The following SFPQ variants were observed in gnomAD, a reference collection of about 807,000 sequenced individuals.
The protein encoded by SFPQ is splicing factor proline and glutamine rich, also known as splicing factor, proline- and glutamine-rich.
Under a neutral mutation model 72.9 loss-of-function variants are expected in SFPQ, and 11 were observed. The ratio of observed to expected loss-of-function variants is 0.15; its 90% CI spans 0.09 to 0.25. The LOEUF is 0.25. Among genes scored for constraint, SFPQ ranks in the 10% least tolerant of loss-of-function variants. The pLI is 1.00. For missense variants in SFPQ, 847 were observed against 993.3 expected (o/e 0.85, Z 1.98); for synonymous variants, 506 against 367.3 (o/e 1.38, Z -4.32).
intron 4 of SFPQ, among the ~76,000 whole-genome samples, chr1:35,189,753 C>T (rs1166470989): frequency 1.3e-5 from 2 of 151,684 alleles, no homozygotes; most frequent in African/African-American, 4.8e-5. Flanking sequence ...GTTTAAGACC[C>T]ATCTGGCCAA....
At chr1:35,176,733 C>T (rs748229109) in intron 5 of SFPQ, among the ~76,000 whole-genome samples, 14 of 151,740 alleles carry the variant, frequency 9.2e-5, no homozygotes, top group East Asian at 1.9e-4. Flanking sequence ...ATTAGCCAGG[C>T]GTGTGTGGCG....
In SFPQ at chr1:35,184,413, C is replaced by CAAAAA; in HGVS notation, c.*38_*42dup. 1 of 1,590,338 alleles carries CAAAAA rather than the reference C, an allele frequency of 6.3e-7. No individual in the cohort carries two copies. The highest frequency in any genetic ancestry group is 8.5e-7 in the Non-Finnish European group (1 of 1,173,198). On this transcript the variant is annotated 3_prime_UTR_variant, in exon 10 of 10. Coordinates refer to ENST00000357214, the MANE Select transcript of SFPQ (RefSeq NM_005066.3). ...AGAATTTAAAAGATTGGTATCTAAA[C>CAAAAA]AAAAAAACAAAACAAACTGGAATGA...
rs1469498092 is a variant in SFPQ, at chr1:35,177,809, T to C, written c.*24+180A>G. 1.6e-5 allele frequency: 3 copies of C among 190,284 alleles called. No homozygotes were observed. The East Asian group carries it at 4.5e-4, about 29-fold the overall frequency. The allele number at this position is 190,284 out of a possible 1,614,324, so 11.8% of individuals were successfully genotyped here. A position where few individuals can be genotyped will look rare whatever the true frequency, so the allele number is the denominator to read the frequency against. On this transcript the variant is annotated intron_variant and NMD_transcript_variant, in intron 4 of 5. Coordinates refer to the SFPQ transcript ENST00000460428. ...TAAAAATTCTATTGTTTGACATTTT[T>C]ATAATGCCTCTCACTTGCTTTCTCA... is the stretch of plus-strand genomic sequence containing the variant.
In SFPQ at chr1:35,192,967, AGGCCGCCGC is replaced by A. The variant is rs772924048; in HGVS notation, c.74_82del (p.Arg25_Gly27del). ...GGGCGGCGGAGAACGGAAGTCGTGG[AGGCCGCCGC>A]GGCCGCCGCCTCCTCCACGCCTGTG... is the stretch of plus-strand genomic sequence containing the variant. On this transcript the variant is annotated inframe_deletion, in exon 1 of 10. Coordinates refer to ENST00000357214, the MANE Select transcript of SFPQ (RefSeq NM_005066.3). The A allele has an allele frequency of 2.6e-6, 4 of 1,534,714 alleles. No individual in the cohort carries two copies. Among genetic ancestry groups the A allele is most frequent in the East Asian group, 2.5e-5 (1 of 39,274 alleles).
At position 35,189,222 on chromosome 1, in the gene SFPQ, C is replaced by A; in HGVS notation, c.1576G>T (p.Ala526Ser). Residue 526 changes from alanine to serine, a missense_variant, in exon 5 of 10, where the codon GCC becomes TCC. This residue lies in a region of SFPQ where 132 missense variants were observed against 255.4 expected (regional missense o/e 0.52). Coordinates refer to ENST00000357214, the MANE Select transcript of SFPQ (RefSeq NM_005066.3). ...KDKLESEMED[A>S]YHEHQANLLR... ...AGATTTGCCTGATGTTCATGATAGG[C>A]ATCTTCCATTTCACTTTCCAATTTG... 1.2e-6 allele frequency: 2 copies of A among 1,614,018 alleles called. No individual in the cohort carries two copies. Among genetic ancestry groups the A allele is most frequent in the Non-Finnish European group, 1.7e-6 (2 of 1,179,882 alleles).
chr1:35,178,215 TACA>T (rs1639326472), downstream of SFPQ: 2 of 1,092,956 alleles, frequency 1.8e-6, no homozygotes, highest in Non-Finnish European at 2.2e-6. Flanking sequence ...AAATTATTCT[TACA>T]TAAAATAAGT....
rs761692318 is a variant in SFPQ at position 35,192,487 on chromosome 1, G to A, written c.563C>T (p.Pro188Leu). ...TGGACCCGGGCCCGGGACTGCCGCG[G>A]GCGGAGGCGGCGGGCCTCCGGCCTG... ...PPQAGGPPPPPAAVPGPGPGP... is the reference protein window; with the variant it reads ...PPQAGGPPPPLAAVPGPGPGP... Residue 188 changes from proline (P) to leucine (L), a missense_variant, in exon 1 of 10, where the codon CCC becomes CTC. Physicochemically the swap from Pro to Leu is moderately conservative, Grantham distance 98. Coordinates refer to ENST00000357214, the MANE Select transcript of SFPQ (RefSeq NM_005066.3). 82 of 1,328,490 alleles carry A rather than the reference G, an allele frequency of 6.2e-5. No homozygotes were observed. The highest frequency in any genetic ancestry group is 8.3e-5 in the Admixed American group (2 of 24,074). 82.3% of individuals were successfully genotyped at this position (1,328,490 alleles called of 1,614,324 possible).
intron 1 of SFPQ, 43 bp from the exon 2 acceptor site, chr1:35,191,572 G>A: frequency 2.7e-6 from 4 of 1,471,942 alleles, no homozygotes; most frequent in Non-Finnish European, 3.7e-6. Context: ...AGAGACCTCT[G>A]CAAGTGAAAA....
chr1:35,190,451 C>T (rs754533465), intron 4 of SFPQ, 47 bp downstream of exon 4: 13 of 1,337,466 alleles, frequency 9.7e-6, no homozygotes, highest in African/African-American at 1.5e-5. Context: ...TAAATTTAAC[C>T]TTTACACTTG....
chr1:35,185,432 G>A (rs762253249), intron 9 of SFPQ, among the ~76,000 whole-genome samples: 6 of 152,176 alleles, frequency 3.9e-5, no homozygotes, highest in Non-Finnish European at 7.3e-5. Context: ...CCCGAACAGT[G>A]AAACACGAAG....
downstream of SFPQ, chr1:35,180,265 G>A (rs1639412404): frequency 1.9e-6 from 2 of 1,050,200 alleles, no homozygotes; most frequent in Non-Finnish European, 2.3e-6. Flanking sequence ...TTGAAGTGAG[G>A]TCTGGAACAA....
downstream of SFPQ, chr1:35,182,234 CT>C (rs1639498118): frequency 1.0e-6 from 1 of 985,312 alleles, no homozygotes; most frequent in African/African-American, 1.7e-5. Flanking sequence ...ATTTTCTTGT[CT>C]TTAGTAGAGT....
At position 35,192,898 on chromosome 1, in the gene SFPQ, G is replaced by T. The variant is rs778265440; in HGVS notation, c.152C>A (p.Pro51Gln). ...NQNRGPMGPG[P>Q]GQSGPKPPIP... The stretch of plus-strand genomic sequence containing the variant: ...CGGAGGCTTAGGGCCGCTCTGGCCC[G>T]GGCCAGGACCCATGGGGCCGCGATT... The change falls in exon 1 of 10, where the codon CCG (proline) becomes CAG (glutamine). Residue 51 changes from proline (P) to glutamine (Q), a missense_variant. By Grantham distance (76) the Pro-to-Gln change is moderately conservative. This residue lies in a region of SFPQ where 498 missense variants were observed against 405.1 expected (regional missense o/e 1.23). Coordinates refer to ENST00000357214, the MANE Select transcript of SFPQ (RefSeq NM_005066.3). 2 of 1,555,830 alleles carry T rather than the reference G, an allele frequency of 1.3e-6. No homozygotes were observed. The highest frequency in any genetic ancestry group is 8.6e-7 in the Non-Finnish European group (1 of 1,160,358).
chr1:35,186,938 C>CA, intron 9 of SFPQ, 63 bp downstream of exon 9: 1 of 1,524,578 alleles, frequency 6.6e-7, no homozygotes, highest in Non-Finnish European at 8.9e-7. Context: ...CAAAACAAAA[C>CA]AAACACACCT....
At chr1:35,187,321 A>G (rs1363854320) in intron 7 of SFPQ, 70 bp from the exon 8 acceptor site, 4 of 1,357,198 alleles carry the variant, frequency 2.9e-6, no homozygotes, top group African/African-American at 1.4e-5. Flanking sequence ...GAACTGAGAA[A>G]TTTTCAAGAG....
downstream of SFPQ, chr1:35,179,451 T>C (rs1570105547): frequency 5.7e-6 from 6 of 1,055,890 alleles, no homozygotes; most frequent in East Asian, 2.6e-4. Context: ...ATCACACCTC[T>C]GAACCCAAGA....
At chr1:35,180,714 C>T (rs759542608), downstream of SFPQ, 9 of 1,057,954 alleles carry the variant, frequency 8.5e-6, no homozygotes, top group Non-Finnish European at 9.1e-6. Context: ...CTGATATTGC[C>T]GATCTATGGG....
In SFPQ at chr1:35,190,450, C is replaced by A. The variant is rs547902465; in HGVS notation, c.1415+48G>T. On this transcript the variant is annotated intron_variant, in intron 4 of 9. Transcript: ENST00000357214. ...TGGAAAATCACTAAAATAAATTTAACCTTTACACTTGATTTAAAAACTGCC... is the reference window on the plus strand; with the variant it reads ...TGGAAAATCACTAAAATAAATTTAAACTTTACACTTGATTTAAAAACTGCC... The A allele has an allele frequency of 5.3e-6, 7 of 1,309,926 alleles. No homozygotes were observed. The Admixed American group carries it at 1.1e-4, about 21-fold the overall frequency. 81.1% of individuals were successfully genotyped at this position (1,309,926 alleles called of 1,614,324 possible). A position where few individuals can be genotyped will look rare whatever the true frequency, so the allele number is the denominator to read the frequency against.
downstream of SFPQ, chr1:35,178,552 A>G: frequency 1.9e-6 from 2 of 1,060,230 alleles, no homozygotes; most frequent in Non-Finnish European, 2.3e-6. Flanking sequence ...CTTTGTATTT[A>G]CCTCATTCTT....
Sources: allele counts gnomAD v4.1 joint callset (sites outside exome capture counted in the v4.1 genomes callset), GRCh38; gene constraint gnomAD v4.1.1; regional missense constraint gnomAD v4.1.1; transcripts MANE v1.5; gene names NCBI Gene and HGNC (gene_info 2026-07-23, HGNC 2026-07-21).